Variants in MYO3B observed in about 807,000 individuals in gnomAD.
MYO3B encodes myosin-IIIb.
In MYO3B, 156 loss-of-function variants were observed where a neutral mutation model predicts 174.6. The observed-to-expected ratio is 0.89, with a 90% CI of 0.78 to 1.02. The LOEUF (loss-of-function observed/expected upper bound fraction) is 1.02. Ranked by LOEUF, MYO3B falls within the 50% of genes least tolerant of loss-of-function variation. The probability of loss-of-function intolerance (pLI) is 0.00; values close to 1 mark genes in which losing one functional copy is unlikely to be tolerated. For missense variants in MYO3B, 1,632 were observed against 1,639.4 expected, an observed-to-expected ratio of 1.00 and a Z score of 0.08; for synonymous variants, 563 against 569.1, an observed-to-expected ratio of 0.99 and a Z score of 0.15.
At chr2:170,368,398 G>A (rs1466018178) in intron 8 of MYO3B, among the ~76,000 whole-genome samples, 1 of 152,166 alleles carries the variant, frequency 6.6e-6, no homozygotes, top group African/African-American at 2.4e-5. Flanking sequence ...GCAGTTGGAG[G>A]GATATTCGTC....
At chr2:170,324,480 G>A (rs2093850691) in intron 7 of MYO3B, among the ~76,000 whole-genome samples, 1 of 152,184 alleles carries the variant, frequency 6.6e-6, no homozygotes, top group African/African-American at 2.4e-5. Context: ...ATATATGCAA[G>A]TGCTCCTAAT....
intron 28 of MYO3B, among the ~76,000 whole-genome samples, chr2:170,507,102 G>A (rs1046367271): frequency 1.3e-5 from 2 of 152,216 alleles, no homozygotes; most frequent in Non-Finnish European, 2.9e-5. Flanking sequence ...CTTCTTGGCC[G>A]TAGGGCAGGA....
intron 32 of MYO3B, among the ~76,000 whole-genome samples, chr2:170,576,608 G>T (rs1279845652): frequency 2.0e-5 from 3 of 152,210 alleles, no homozygotes; most frequent in Non-Finnish European, 4.4e-5. Context: ...ATATTATTAG[G>T]ACGAGAAAGA....
Position 170,392,406 on chromosome 2 carries a change from G to T in MYO3B, c.1702G>T (p.Val568Leu). 1 of 1,601,018 alleles carries T rather than the reference G, an allele frequency of 6.2e-7. No homozygotes were observed. Among genetic ancestry groups the T allele is most frequent in the Non-Finnish European group, 8.5e-7 (1 of 1,172,186 alleles). ...GTACATAGCTGATGAAACTGGAAGG[G>T]TGATGCACGACATAACTTCCAAGGA... Reference protein sequence around the residue: ...PRYIADETGRVMHDITSKESY... With the variant: ...PRYIADETGRLMHDITSKESY... Residue 568 changes from valine to leucine, a missense_variant, in exon 16 of 35, where the codon GTG becomes TTG. Coordinates refer to ENST00000408978, the MANE Select transcript of MYO3B (RefSeq NM_138995.5).
chr2:170,458,173 G>A (rs754410915), intron 23 of MYO3B, among the ~76,000 whole-genome samples: 3 of 152,142 alleles, frequency 2.0e-5, no homozygotes, highest in African/African-American at 4.8e-5. Flanking sequence ...GATTGGCAGC[G>A]CAGGTTTGTT....
intron 32 of MYO3B, among the ~76,000 whole-genome samples, chr2:170,629,112 A>C (rs1196000309): frequency 6.6e-6 from 1 of 152,202 alleles, no homozygotes; most frequent in Non-Finnish European, 1.5e-5. Flanking sequence ...TGTTCTGTGT[A>C]ATTGGACCTC....
intron 29 of MYO3B, among the ~76,000 whole-genome samples, chr2:170,516,688 A>G (rs138250784): frequency 1.3e-5 from 2 of 151,920 alleles, no homozygotes; most frequent in Non-Finnish European, 2.9e-5. Context: ...GCTCAACCAG[A>G]TTTTGGAAGG....
Position 170,272,492 on chromosome 2 carries a change from G to C in MYO3B, c.749+36356G>C, listed in dbSNP as rs190038422. Among the ~76,000 whole-genome samples, 304 of 152,256 alleles carry C rather than the reference G, an allele frequency of 2.0e-3. 1 individual carries two copies. Among genetic ancestry groups the C allele is most frequent in the Middle Eastern group, 3.4e-3 (1 of 294 alleles). On this transcript the variant is annotated intron_variant, in intron 7 of 34. Coordinates refer to ENST00000408978, the MANE Select transcript of MYO3B (RefSeq NM_138995.5). ...TGGAATACTCAACACTCTAAAGGGA[G>C]CCCAAGTTTTCCTCCTTCAGTTTAC... is the stretch of plus-strand genomic sequence containing the variant.
At position 170,316,598 on chromosome 2, in the gene MYO3B, G is replaced by A. The variant is rs73016910; in HGVS notation, c.750-18787G>A. Among the ~76,000 whole-genome samples, 767 of 152,264 alleles carry A rather than the reference G, an allele frequency of 5.0e-3. 11 individuals are homozygous for A. The highest frequency in any genetic ancestry group is 0.017 in the African/African-American group (723 of 41,546). On this transcript the variant is annotated intron_variant, in intron 7 of 34. Transcript: ENST00000408978. ...CCTTTCCTAATAATCTAGCTAGTCA[G>A]CAGGTACTTCCTGATGTGTGAACAA...
chr2:170,435,607 C>G (rs756541087), intron 22 of MYO3B, among the ~76,000 whole-genome samples: 1 of 152,204 alleles, frequency 6.6e-6, no homozygotes, highest in Non-Finnish European at 1.5e-5. Context: ...TGCGATATAA[C>G]TTAATCTTGT....
rs199740631 is a variant in MYO3B at position 170,320,467 on chromosome 2, CCTAT to C, written c.750-14915_750-14912del. Among the ~76,000 whole-genome samples, 915 of 152,142 alleles carry C rather than the reference CCTAT, an allele frequency of 6.0e-3. 14 individuals carry two copies. The highest frequency in any genetic ancestry group is 0.021 in the African/African-American group (865 of 41,494). ...TTGGTTGCAAAAGTTATTTAATGAA[CCTAT>C]CTCATTTTGTGAGAAATAGATTTAA... On this transcript the variant is annotated intron_variant, in intron 7 of 34. Transcript: ENST00000408978.
At position 170,401,660 on chromosome 2, in the gene MYO3B, A is replaced by G; in HGVS notation, c.2098A>G (p.Asn700Asp). ...CTTCAGCTGGATTGTGAATCGCATT[A>G]ATACACTCCTGCAGCCAGACGAAAA... ...RLFSWIVNRI[N>D]TLLQPDENIC... The change falls in exon 18 of 35, where the codon AAT (asparagine) becomes GAT (aspartate). Residue 700 changes from asparagine (N) to aspartate (D), a missense_variant. Transcript: ENST00000408978. 6.2e-7 allele frequency: 1 copy of G among 1,614,032 alleles called. No individual in the cohort carries two copies. Among genetic ancestry groups the G allele is most frequent in the East Asian group, 2.2e-5 (1 of 44,864 alleles).
At chr2:170,453,429 CACACACACACACACACACACACACGA>C (rs1427501866) in intron 23 of MYO3B, among the ~76,000 whole-genome samples, 1 of 135,690 alleles carries the variant, frequency 7.4e-6, no homozygotes, top group African/African-American at 2.7e-5. Context: ...CACACACACA[CACACACACACACACACACACACACGA>C]GAGAGAGAGA....
chr2:170,334,255 C>T (rs2093931771), intron 7 of MYO3B: 1 of 152,318 alleles, frequency 6.6e-6, no homozygotes, highest in African/African-American at 2.4e-5. Context: ...CACAGAACCA[C>T]ATCTAGCCGT....
chr2:170,523,203 A>G lies in MYO3B; in HGVS notation c.3575+3663A>G, dbSNP rs184653317. 3.1e-3 allele frequency among the ~76,000 whole-genome samples: 472 copies of G among 152,340 alleles called. 1 individual carries two copies. Among genetic ancestry groups the G allele is most frequent in the Non-Finnish European group, 5.0e-3 (339 of 68,036 alleles). The stretch of plus-strand genomic sequence containing the variant: ...ACTCTTTCTTGTATCCGATATACAC[A>G]ATAGCTACTCAATAAGTTTATTGAG... On this transcript the variant is annotated intron_variant, in intron 30 of 34. Transcript: ENST00000408978.
intron 23 of MYO3B, among the ~76,000 whole-genome samples, chr2:170,448,694 A>G (rs1397789338): frequency 1.3e-5 from 2 of 152,212 alleles, no homozygotes; most frequent in East Asian, 3.8e-4. Context: ...TGAAAGCATT[A>G]GTTTGGGGAC....
intron 23 of MYO3B, among the ~76,000 whole-genome samples, chr2:170,449,310 G>A (rs1255206702): frequency 6.6e-6 from 1 of 152,144 alleles, no homozygotes; most frequent in Non-Finnish European, 1.5e-5. Flanking sequence ...TGTTACAAAA[G>A]AAATGAGATT....
intron 7 of MYO3B, among the ~76,000 whole-genome samples, chr2:170,302,897 CTAT>C (rs1180287621): frequency 6.6e-6 from 1 of 152,192 alleles, no homozygotes; most frequent in Admixed American, 6.5e-5. Context: ...GGTGCTTGAT[CTAT>C]TATTATCCTT....
intron 22 of MYO3B, 29 bp from the exon 23 acceptor site, chr2:170,443,933 CTTTAA>C: frequency 6.4e-7 from 1 of 1,565,996 alleles, no homozygotes; most frequent in Non-Finnish European, 8.8e-7. Context: ...TTAACTTTTC[CTTTAA>C]TTTATGTTCT....
Sources: gnomAD v4.1 joint callset for allele counts (sites outside exome capture counted in the v4.1 genomes callset) on GRCh38, gnomAD v4.1.1 for gene constraint, MANE v1.5 for transcripts, NCBI Gene and HGNC (gene_info 2026-07-23, HGNC 2026-07-21) for gene names.